The following SLC2A7 variants were observed in gnomAD, a reference collection of about 807,000 sequenced individuals.
SLC2A7 encodes the protein solute carrier family 2, facilitated glucose transporter member 7.
Under a neutral mutation model 50.5 loss-of-function variants are expected in SLC2A7, and 50 were observed. The observed-to-expected ratio is 0.99, with a 90% CI of 0.79 to 1.25. The LOEUF is 1.25. SLC2A7 is among the 50% of genes most tolerant of loss of function. The probability of loss-of-function intolerance (pLI) is 0.00; values close to 1 mark genes in which losing one functional copy is unlikely to be tolerated. For synonymous variants in SLC2A7, 308 were observed against 300.4 expected (o/e 1.03, Z -0.26); for missense variants, 683 against 679.1 (o/e 1.01, Z -0.06).
At chr1:9,023,213 TG>T (rs1285825591) in intron 2 of SLC2A7, 135 bp from the exon 3 acceptor site, 3 of 803,058 alleles carry the variant, frequency 3.7e-6, no homozygotes, top group Non-Finnish European at 5.7e-6. Flanking sequence ...TTAAACCCAC[TG>T]ATTCCCTACT....
At chr1:9,017,411 C>T (rs1187997769) in intron 5 of SLC2A7, among the ~76,000 whole-genome samples, 2 of 458 alleles carry the variant, frequency 4.4e-3, no homozygotes, top group Non-Finnish European at 3.2e-3. Flanking sequence ...TCATAAAAGG[C>T]CCCCTATTCT....
the SLC2A7 span, among the ~76,000 whole-genome samples, chr1:8,992,693 G>T: frequency 5.9e-5 from 9 of 152,300 alleles, no homozygotes; most frequent in Admixed American, 5.2e-4. Flanking sequence ...CCTACCAGAA[G>T]AATCCAGGGG....
At position 9,022,634 on chromosome 1, in the gene SLC2A7, G is replaced by A. The variant is rs535799143; in HGVS notation, c.311+284C>T. 2.4e-4 allele frequency among the ~76,000 whole-genome samples: 36 copies of A among 151,680 alleles called. No homozygotes were observed. The East Asian group carries it at 4.7e-3, about 20-fold the overall frequency. On this transcript the variant is annotated intron_variant, in intron 3 of 11. Coordinates refer to ENST00000400906, the MANE Select transcript of SLC2A7 (RefSeq NM_207420.3). ...GAACACCCACTGGAAGTGCTTACAA[G>A]GCACTAAGCTAAGCACCGTCAAGAA...
chr1:8,999,962 C>A (rs898581709), downstream of SLC2A7, among the ~76,000 whole-genome samples: 1 of 152,126 alleles, frequency 6.6e-6, no homozygotes, highest in East Asian at 1.9e-4. Context: ...GAACCCTGAC[C>A]TTTGTGAAAT....
rs1304266841 is a variant in SLC2A7 at position 9,002,992 on chromosome 1, T to G, written c.*308A>C. 2.6e-5 allele frequency among the ~76,000 whole-genome samples: 4 copies of G among 152,242 alleles called. No individual in the cohort carries two copies. The highest frequency in any genetic ancestry group is 5.9e-5 in the Non-Finnish European group (4 of 68,048). ...TAGCAATTGTGGAACTTGAAAAGTTTTACTTTAAAAAAGTGCATCTATACA... is the reference window on the plus strand; with the variant it reads ...TAGCAATTGTGGAACTTGAAAAGTTGTACTTTAAAAAAGTGCATCTATACA... On this transcript the variant is annotated 3_prime_UTR_variant, in exon 12 of 12. Coordinates refer to ENST00000400906, the MANE Select transcript of SLC2A7 (RefSeq NM_207420.3).
chr1:9,000,783 T>TGTGTGA (rs1640563416), downstream of SLC2A7, among the ~76,000 whole-genome samples: 4 of 147,878 alleles, frequency 2.7e-5, no homozygotes, highest in East Asian at 8.0e-4. Context: ...TGTGTGTGTG[T>TGTGTGA]GACTCTGTCT....
Position 9,004,884 on chromosome 1 carries a change from A to T in SLC2A7, c.1193-5T>A. 1 of 1,612,878 alleles carries T rather than the reference A, an allele frequency of 6.2e-7. No individual in the cohort carries two copies. Among genetic ancestry groups the T allele is most frequent in the Non-Finnish European group, 8.5e-7 (1 of 1,179,414 alleles). On this transcript the variant is annotated splice_polypyrimidine_tract_variant and splice_region_variant and intron_variant, in intron 10 of 11. Coordinates refer to ENST00000400906, the MANE Select transcript of SLC2A7 (RefSeq NM_207420.3). ...TCACCACCGAGGGGACAGGACCTGG[A>T]GGGCAGAGCAGGATGGGTGGGGCGG...
At position 9,022,907 on chromosome 1, in the gene SLC2A7, CTTCT is replaced by C. The variant is rs1159000103; in HGVS notation, c.311+7_311+10del. The C allele has an allele frequency of 6.2e-7, 1 of 1,613,666 alleles. No homozygotes were observed. The highest frequency in any genetic ancestry group is 1.7e-5 in the Admixed American group (1 of 59,940). On this transcript the variant is annotated splice_region_variant and intron_variant, in intron 3 of 11. Transcript: ENST00000400906. ...TGAATTTTAAGTGGGAGCAGTGCAC[CTTCT>C]GTTTACCTGCCGCAGCTATCAACCA...
chr1:9,013,754 G>A, intron 7 of SLC2A7, 119 bp from the exon 8 acceptor site: 2 of 776,438 alleles, frequency 2.6e-6, no homozygotes, highest in Non-Finnish European at 4.0e-6. Flanking sequence ...GGGACAGGAA[G>A]AGGGTAGCAG....
At chr1:8,993,690 C>T in the SLC2A7 span, among the ~76,000 whole-genome samples, 2 of 152,214 alleles carry the variant, frequency 1.3e-5, no homozygotes, top group African/African-American at 4.8e-5. Flanking sequence ...TGCAGTGGCA[C>T]GATCTTGGCT....
chr1:9,006,931 T>A (rs966339306), intron 10 of SLC2A7, among the ~76,000 whole-genome samples: 3 of 152,144 alleles, frequency 2.0e-5, no homozygotes, highest in African/African-American at 7.2e-5. Flanking sequence ...CAGTTGAGCC[T>A]TGGGTGTGCT....
At chr1:9,024,876 G>A in intron 2 of SLC2A7, 100 bp downstream of exon 2, 1 of 1,369,826 alleles carries the variant, frequency 7.3e-7, no homozygotes, top group Admixed American at 1.9e-5. Context: ...GCCTCCTACA[G>A]GCAAGATGGC....
Position 9,023,060 on chromosome 1 carries a change from T to G in SLC2A7, c.169A>C (p.Asn57His). The G allele has an allele frequency of 6.2e-7, 1 of 1,613,862 alleles. No individual in the cohort carries two copies. The highest frequency in any genetic ancestry group is 1.1e-5 in the South Asian group (1 of 91,066). The change falls in exon 3 of 12, where the codon AAC becomes CAC. Residue 57 changes from asparagine (N) to histidine (H), a missense_variant. Asn to His is a moderately conservative substitution (Grantham distance 68). Transcript: ENST00000400906. ...GCGTGTCGCTCAAAGTAGGTTTCGT[T>G]GTAAAATGACTTGAAGACCTGGAAA... The part of the protein sequence containing the change: ...TPHKVFKSFY[N>H]ETYFERHATF...
intron 4 of SLC2A7, among the ~76,000 whole-genome samples, chr1:9,018,929 C>T (rs1461331377): frequency 1.3e-5 from 2 of 152,224 alleles, no homozygotes; most frequent in African/African-American, 4.8e-5. Flanking sequence ...TACCTGTAAT[C>T]CCAGGACTTT....
chr1:9,023,534 G>A (rs917925915), intron 2 of SLC2A7, among the ~76,000 whole-genome samples: 5 of 152,088 alleles, frequency 3.3e-5, no homozygotes, highest in African/African-American at 4.8e-5. Flanking sequence ...GTGAACCTGG[G>A]AGGTGGAGCT....
intron 8 of SLC2A7, among the ~76,000 whole-genome samples, chr1:9,011,709 C>T (rs531231974): frequency 6.0e-5 from 9 of 149,116 alleles, no homozygotes; most frequent in South Asian, 4.3e-4. Context: ...AGCATTCTTT[C>T]GACTTCTTCC....
chr1:9,026,249 G>A (rs1175186772), intron 1 of SLC2A7, 46 bp downstream of exon 1: 5 of 1,588,388 alleles, frequency 3.1e-6, no homozygotes, highest in Non-Finnish European at 4.3e-6. Flanking sequence ...GGTCTGCACA[G>A]CTGGTGGGAG....
chr1:9,014,990 C>A (rs1039463778), intron 6 of SLC2A7, 122 bp from the exon 7 acceptor site: 65 of 1,506,996 alleles, frequency 4.3e-5, no homozygotes, highest in Non-Finnish European at 5.4e-5. Flanking sequence ...CAGTTGCCAC[C>A]CCCCCACCCC....
At position 9,019,827 on chromosome 1, in the gene SLC2A7, G is replaced by C. The variant is rs183522074; in HGVS notation, c.312-494C>G. On this transcript the variant is annotated intron_variant, in intron 3 of 11. Transcript: ENST00000400906. ...TAATCTCAGCTACTCGGGAGGCTGA[G>C]GCAGGAGAATCACTTGAATCCGGGA... Among the ~76,000 whole-genome samples, 400 of 152,254 alleles carry C rather than the reference G, an allele frequency of 2.6e-3. 2 individuals carry two copies. Among genetic ancestry groups the C allele is most frequent in the African/African-American group, 9.3e-3 (386 of 41,548 alleles).
Sources: allele counts gnomAD v4.1 joint callset (sites outside exome capture counted in the v4.1 genomes callset), GRCh38; gene constraint gnomAD v4.1.1; transcripts MANE v1.5; gene names NCBI Gene and HGNC (gene_info 2026-07-23, HGNC 2026-07-21).